DIAPH1: variants seen among roughly 807,000 people sequenced by gnomAD.
DIAPH1 encodes diaphanous related formin 1.
A neutral mutation model predicts 140.7 loss-of-function variants in DIAPH1; 46 were observed. That is an observed-to-expected ratio of 0.33 (90% CI 0.26 to 0.42). The LOEUF is 0.42. DIAPH1 is among the 10% of genes least tolerant of loss of function. The probability of loss-of-function intolerance (pLI) is 1.00; values close to 1 mark genes in which losing one functional copy is unlikely to be tolerated. For missense variants in DIAPH1, 1,310 were observed against 1,558.7 expected, an observed-to-expected ratio of 0.84 and a Z score of 2.69; for synonymous variants, 565 against 551.6, an observed-to-expected ratio of 1.02 and a Z score of -0.34.
chr5:141,580,680 C>T (rs2099896621), intron 8 of DIAPH1, 64 bp downstream of exon 8: 1 of 1,568,492 alleles, frequency 6.4e-7, no homozygotes, highest in South Asian at 1.1e-5. Flanking sequence ...ACTCAATTGT[C>T]CTCTGAACTA....
chr5:141,576,416 C>A, intron 13 of DIAPH1, 122 bp from the exon 14 acceptor site: 1 of 870,766 alleles, frequency 1.1e-6, no homozygotes, highest in South Asian at 1.4e-5. Context: ...ATGTTCTGCA[C>A]TAGACAAAGA....
At chr5:141,546,655 A>G (rs1257965727) in intron 18 of DIAPH1, among the ~76,000 whole-genome samples, 1 of 151,932 alleles carries the variant, frequency 6.6e-6, no homozygotes, top group African/African-American at 2.4e-5. Context: ...GACTCTGAAA[A>G]AAAAAAGAAA....
chr5:141,518,738 G>C (rs2154594826), intron 27 of DIAPH1: 1 of 613,120 alleles, frequency 1.6e-6, no homozygotes, highest in African/African-American at 1.8e-5. Context: ...GTCTAGGCTG[G>C]TCTTGAACTC....
chr5:141,560,309 G>A (rs1032118415), intron 18 of DIAPH1, among the ~76,000 whole-genome samples: 6 of 152,188 alleles, frequency 3.9e-5, no homozygotes, highest in African/African-American at 1.4e-4. Flanking sequence ...TACACTGTCA[G>A]TCACTGGAAG....
intron 1 of DIAPH1, among the ~76,000 whole-genome samples, chr5:141,611,054 G>C (rs1276175318): frequency 6.6e-6 from 1 of 151,984 alleles, no homozygotes; most frequent in African/African-American, 2.4e-5. Flanking sequence ...TTGCACCACT[G>C]CACTCCAGAT....
At chr5:141,523,305 C>T (rs2099886832) in intron 27 of DIAPH1, among the ~76,000 whole-genome samples, 2 of 152,198 alleles carry the variant, frequency 1.3e-5, no homozygotes, top group South Asian at 2.1e-4. Flanking sequence ...AGCCACCACT[C>T]CTAGCCTCAA....
chr5:141,571,420 A>G lies in DIAPH1; in HGVS notation c.2482+8T>C, dbSNP rs183335098. 1 of 1,608,232 alleles carries G rather than the reference A, an allele frequency of 6.2e-7. No homozygotes were observed. The highest frequency in any genetic ancestry group is 1.3e-5 in the African/African-American group (1 of 74,614). On this transcript the variant is annotated splice_region_variant and intron_variant, in intron 18 of 27. Transcript: ENST00000389054. ...AGACCAAACTAAAAGGCTCTTTTGT[A>G]TTCTTACCTTTGGAAGCTTCAGGAG...
At chr5:141,535,149 C>T (rs1289424461) in intron 18 of DIAPH1, among the ~76,000 whole-genome samples, 1 of 151,990 alleles carries the variant, frequency 6.6e-6, no homozygotes, top group African/African-American at 2.4e-5. Flanking sequence ...GAGGTTTCAC[C>T]ATATTGCCCA....
intron 15 of DIAPH1, 68 bp from the exon 16 acceptor site, chr5:141,574,276 C>T: frequency 6.7e-7 from 1 of 1,488,392 alleles, no homozygotes; most frequent in South Asian, 1.1e-5. Flanking sequence ...TGGAAGGAAC[C>T]TAATAAACTA....
At chr5:141,611,723 G>A (rs1050799503) in intron 1 of DIAPH1, among the ~76,000 whole-genome samples, 1 of 152,186 alleles carries the variant, frequency 6.6e-6, no homozygotes, top group African/African-American at 2.4e-5. Flanking sequence ...TATATAAACA[G>A]CAAGTAAGGA....
At chr5:141,559,330 G>A (rs1275046482) in intron 18 of DIAPH1, among the ~76,000 whole-genome samples, 1 of 152,154 alleles carries the variant, frequency 6.6e-6, no homozygotes, top group Non-Finnish European at 1.5e-5. Flanking sequence ...CCGAATAGCA[G>A]TTATCCCTGC....
At chr5:141,586,239 T>A (rs553643047) in intron 3 of DIAPH1, among the ~76,000 whole-genome samples, 3 of 152,230 alleles carry the variant, frequency 2.0e-5, no homozygotes, top group South Asian at 4.1e-4. Flanking sequence ...AGACTCTTAA[T>A]GCACTTGGAA....
chr5:141,527,927 C>T (rs1003340258), intron 23 of DIAPH1, among the ~76,000 whole-genome samples: 2 of 152,170 alleles, frequency 1.3e-5, no homozygotes, highest in African/African-American at 4.8e-5. Context: ...CTCCAGCCTT[C>T]ACAAGGTATG....
chr5:141,615,467 C>T (rs1443161150), intron 1 of DIAPH1, among the ~76,000 whole-genome samples: 5 of 149,044 alleles, frequency 3.4e-5, no homozygotes, highest in South Asian at 4.2e-4. Context: ...AAGGGCCGCA[C>T]GCGGTGGCTC....
intron 27 of DIAPH1, chr5:141,519,078 G>A (rs1484583111): frequency 1.5e-5 from 19 of 1,270,542 alleles, no homozygotes; most frequent in South Asian, 1.3e-4. Flanking sequence ...GTATGTGCCC[G>A]AGACTGTGGG....
chr5:141,559,011 A>G (rs1348744726), intron 18 of DIAPH1, among the ~76,000 whole-genome samples: 1 of 152,190 alleles, frequency 6.6e-6, no homozygotes, highest in Non-Finnish European at 1.5e-5. Context: ...GGCATATATG[A>G]AAGATCAGAA....
At chr5:141,583,106 C>T in intron 6 of DIAPH1, 100 bp downstream of exon 6, 2 of 1,057,818 alleles carry the variant, frequency 1.9e-6, no homozygotes, top group African/African-American at 1.6e-5. Context: ...TTCCCCTAGC[C>T]CACAACTTTA....
chr5:141,534,414 A>C lies in DIAPH1; in HGVS notation c.2502T>G (p.Gly834=). 6.2e-7 allele frequency: 1 copy of C among 1,613,588 alleles called. No individual in the cohort carries two copies. Residue 834 remains glycine, a synonymous_variant, in exon 19 of 28, where the codon GGT becomes GGG. Coordinates refer to ENST00000389054, the MANE Select transcript of DIAPH1 (RefSeq NM_005219.5). ...KTSKAKKDQE[G]GEEKKSVQKK... is the part of the protein sequence containing the mutation. ...TTTGCACAGATTTCTTTTCTTCTCC[A>C]CCTTCTTGATCCTTCTTGGCTAGCA...
At chr5:141,579,402 A>C (rs1446925278) in intron 8 of DIAPH1, among the ~76,000 whole-genome samples, 1 of 152,192 alleles carries the variant, frequency 6.6e-6, no homozygotes, top group Non-Finnish European at 1.5e-5. Context: ...CATTCCCTAC[A>C]ATCCATCCCT....
Sources: allele counts gnomAD v4.1 joint callset (sites outside exome capture counted in the v4.1 genomes callset), GRCh38; gene constraint gnomAD v4.1.1; transcripts MANE v1.5; gene names NCBI Gene and HGNC (gene_info 2026-07-23, HGNC 2026-07-21).